Variants in SPAM1 observed in about 807,000 individuals in gnomAD.
SPAM1 encodes the protein hyaluronidase PH-20.
SPAM1 carries 22 observed loss-of-function variants against 29.6 expected under a neutral mutation model. The observed-to-expected ratio is 0.74, with a 90% CI of 0.53 to 1.06. SPAM1 has a LOEUF of 1.06. Ranked by LOEUF, SPAM1 falls within the 50% of genes least tolerant of loss-of-function variation. The pLI, the probability that SPAM1 is intolerant of heterozygous loss-of-function variation, is 0.00. For synonymous variants in SPAM1, 194 were observed against 204.6 expected (o/e 0.95, Z 0.44); for missense variants, 534 against 604.0 (o/e 0.88, Z 1.21).
chr7:123,968,558 G>C (rs892470460), intron 5 of SPAM1, among the ~76,000 whole-genome samples: 2 of 151,920 alleles, frequency 1.3e-5, no homozygotes, highest in Admixed American at 1.3e-4. Context: ...ATTAGGTTTT[G>C]AGCATGTTGT....
chr7:123,936,740 G>C (rs766572081), intron 1 of SPAM1, among the ~76,000 whole-genome samples: 1 of 152,170 alleles, frequency 6.6e-6, no homozygotes, highest in Non-Finnish European at 1.5e-5. Context: ...ATTTTAGCTA[G>C]AGATGGTCTC....
chr7:123,959,337 G>T, intron 4 of SPAM1, 147 bp from the exon 5 acceptor site: 1 of 597,874 alleles, frequency 1.7e-6, no homozygotes, highest in Non-Finnish European at 2.9e-6. Flanking sequence ...TAATCTTGTT[G>T]GTTAAGGTAA....
At chr7:123,946,630 A>G (rs576098906) in intron 1 of SPAM1, among the ~76,000 whole-genome samples, 1 of 152,202 alleles carries the variant, frequency 6.6e-6, no homozygotes, top group South Asian at 2.1e-4. Flanking sequence ...TATGTGTAAG[A>G]TATACATTGG....
intron 2 of SPAM1, among the ~76,000 whole-genome samples, chr7:123,950,281 A>G (rs911966512): frequency 1.3e-5 from 2 of 151,992 alleles, no homozygotes; most frequent in African/African-American, 4.8e-5. Context: ...ATTTTATTTT[A>G]GATTAAGGGT....
At position 123,959,652 on chromosome 7, in the gene SPAM1, T is replaced by C. The variant is rs571692703; in HGVS notation, c.1213T>C (p.Phe405Leu). Reference sequence around the variant, plus strand: ...CTATCTTCACCTCAACCCAGATAATTTTGCTATTCAACTTGAGAAAGGTGG... The same window carrying C: ...CTATCTTCACCTCAACCCAGATAATCTTGCTATTCAACTTGAGAAAGGTGG... ...SDYLHLNPDNFAIQLEKGGKF... is the reference protein window; with the variant it reads ...SDYLHLNPDNLAIQLEKGGKF... Residue 405 changes from phenylalanine to leucine, a missense_variant, in exon 5 of 5, where the codon TTT becomes CTT. Phe to Leu is a conservative substitution (Grantham distance 22, BLOSUM62 0). Transcript: ENST00000682466. The C allele has an allele frequency of 1.9e-6, 3 of 1,613,242 alleles. No individual in the cohort carries two copies. In the South Asian group the frequency reaches 3.3e-5, roughly 18 times the overall value.
intron 5 of SPAM1, among the ~76,000 whole-genome samples, chr7:123,969,217 AT>A (rs1792466856): frequency 6.6e-6 from 1 of 151,840 alleles, no homozygotes. Flanking sequence ...GTTTACAAAT[AT>A]TTTCTCTCAC....
chr7:123,935,642 G>T (rs938391926), intron 1 of SPAM1, among the ~76,000 whole-genome samples: 5 of 152,144 alleles, frequency 3.3e-5, no homozygotes, highest in Admixed American at 6.5e-5. Flanking sequence ...ACTTACTAAG[G>T]CTAGTTAATT....
chr7:123,967,380 TAAAAATGTACTTATAAA>T (rs1792440743), intron 5 of SPAM1, among the ~76,000 whole-genome samples: 1 of 152,096 alleles, frequency 6.6e-6, no homozygotes, highest in South Asian at 2.1e-4. Flanking sequence ...AAGATAATTT[TAAAAATGTACTTATAAA>T]ACTGATTTAA....
rs1429025371 is a variant in SPAM1, at chr7:123,949,930, T to C, written c.-260T>C. The C allele has an allele frequency of 2.0e-5, 3 of 151,958 alleles. No homozygotes were observed. The highest frequency in any genetic ancestry group is 4.4e-5 in the Non-Finnish European group (3 of 67,982). 9.4% of individuals were successfully genotyped at this position (151,958 alleles called of 1,614,324 possible). ...CATTGAGACCAGCCAACTTCTTGCC[T>C]TGATAACTACTGAAGAGACATTGGG... On this transcript the variant is annotated 5_prime_UTR_variant, in exon 2 of 5. Transcript: ENST00000682466.
intron 1 of SPAM1, among the ~76,000 whole-genome samples, chr7:123,928,677 T>C (rs931015625): frequency 6.6e-6 from 1 of 152,184 alleles, no homozygotes; most frequent in African/African-American, 2.4e-5. Flanking sequence ...TGATCTTCTA[T>C]TTTAAGGATG....
intron 1 of SPAM1, among the ~76,000 whole-genome samples, chr7:123,945,693 C>G (rs1250009930): frequency 6.6e-6 from 1 of 151,996 alleles, no homozygotes; most frequent in African/African-American, 2.4e-5. Flanking sequence ...TTAGATTTTC[C>G]CTGGTATTGA....
intron 1 of SPAM1, among the ~76,000 whole-genome samples, chr7:123,942,921 A>G (rs1436246879): frequency 6.6e-6 from 1 of 152,212 alleles, no homozygotes; most frequent in Non-Finnish European, 1.5e-5. Context: ...AAGAAAACAA[A>G]TTCTTATTAC....
In SPAM1 at chr7:123,955,044, T is replaced by C; in HGVS notation, c.1002T>C (p.Ser334=). 2 of 1,611,750 alleles carry C rather than the reference T, an allele frequency of 1.2e-6. No homozygotes were observed. The highest frequency in any genetic ancestry group is 1.7e-6 in the Non-Finnish European group (2 of 1,178,316). ...TFGETVALGA[S]GIVIWGTLSI... is the part of the protein sequence containing the mutation. ...GCGAAACTGTTGCTCTGGGTGCTTC[T>C]GGAATTGTAATATGGGGAACCCTCA... Residue 334 remains serine, a synonymous_variant, in exon 4 of 5, where the codon TCT becomes TCC. Coordinates refer to ENST00000682466, the MANE Select transcript of SPAM1 (RefSeq NM_153189.3).
At chr7:123,937,659 G>C (rs997686833) in intron 1 of SPAM1, among the ~76,000 whole-genome samples, 3 of 150,762 alleles carry the variant, frequency 2.0e-5, no homozygotes, top group East Asian at 3.9e-4. Context: ...CCCAGCATTC[G>C]TGGAATTTAG....
At position 123,953,993 on chromosome 7, in the gene SPAM1, A is replaced by G; in HGVS notation, c.423A>G (p.Gly141=). 6.2e-7 allele frequency: 1 copy of G among 1,613,710 alleles called. No homozygotes were observed. The highest frequency in any genetic ancestry group is 8.5e-7 in the Non-Finnish European group (1 of 1,179,800). The change falls in exon 3 of 5, where the codon GGA becomes GGG. Residue 141 remains glycine (G), a synonymous_variant. Coordinates refer to ENST00000682466, the MANE Select transcript of SPAM1 (RefSeq NM_153189.3). ...TTTATATGCCAGTAGACAATTTGGG[A>G]ATGGCTGTTATTGACTGGGAAGAAT... The part of the protein sequence containing the change: ...ITFYMPVDNL[G]MAVIDWEEWR...
intron 5 of SPAM1, among the ~76,000 whole-genome samples, chr7:123,969,507 G>A (rs1473976632): frequency 6.6e-6 from 1 of 151,898 alleles, no homozygotes; most frequent in Non-Finnish European, 1.5e-5. Context: ...TCTGCATATG[G>A]GTATCCAGTT....
chr7:123,933,632 A>G (rs1295033308), intron 1 of SPAM1, among the ~76,000 whole-genome samples: 1 of 152,210 alleles, frequency 6.6e-6, no homozygotes, highest in Non-Finnish European at 1.5e-5. Context: ...AGTCTTCATA[A>G]GAATGTTCTC....
intron 1 of SPAM1, among the ~76,000 whole-genome samples, chr7:123,940,307 C>T (rs373803965): frequency 6.6e-6 from 1 of 151,988 alleles, no homozygotes; most frequent in Non-Finnish European, 1.5e-5. Flanking sequence ...GAACAATAAA[C>T]TAATCCTAAA....
chr7:123,929,915 T>TTTTTTTTTTTTTTGTG (rs1808016749), intron 1 of SPAM1, among the ~76,000 whole-genome samples: 1 of 149,504 alleles, frequency 6.7e-6, no homozygotes, highest in African/African-American at 2.5e-5. Context: ...TTTTTTTTTT[T>TTTTTTTTTTTTTTGTG]GAGGAGTCAG....
Sources: gnomAD v4.1 joint callset for allele counts (sites outside exome capture counted in the v4.1 genomes callset) on GRCh38, gnomAD v4.1.1 for gene constraint, MANE v1.5 for transcripts, NCBI Gene and HGNC (gene_info 2026-07-23, HGNC 2026-07-21) for gene names.